Variants in CHCHD3 observed in about 807,000 individuals in gnomAD.
The protein encoded by CHCHD3 is coiled-coil-helix-coiled-coil-helix domain containing 3.
Under a neutral mutation model 38.2 loss-of-function variants are expected in CHCHD3, and 20 were observed. The ratio of observed to expected loss-of-function variants is 0.52; its 90% CI spans 0.37 to 0.76. The LOEUF is 0.76. Ranked by LOEUF, CHCHD3 falls within the 30% of genes least tolerant of loss-of-function variation. The pLI, the probability that CHCHD3 is intolerant of heterozygous loss-of-function variation, is 0.00. For synonymous variants in CHCHD3, 82 were observed against 100.0 expected (o/e 0.82, Z 1.07); for missense variants, 245 against 279.2 (o/e 0.88, Z 0.87).
At chr7:132,962,077 T>G (rs1458173209) in intron 4 of CHCHD3, among the ~76,000 whole-genome samples, 1 of 152,222 alleles carries the variant, frequency 6.6e-6, no homozygotes, top group Non-Finnish European at 1.5e-5. Context: ...CACTTTCAAT[T>G]CAGTGACTGT....
chr7:132,787,724 C>T (rs1031327483), intron 7 of CHCHD3, among the ~76,000 whole-genome samples: 4 of 151,988 alleles, frequency 2.6e-5, no homozygotes, highest in Non-Finnish European at 5.9e-5. Context: ...GTCATAGGAG[C>T]AAAGGGTGGA....
intron 1 of CHCHD3, among the ~76,000 whole-genome samples, chr7:133,073,567 C>T (rs1814890891): frequency 6.6e-6 from 1 of 152,110 alleles, no homozygotes; most frequent in African/African-American, 2.4e-5. Context: ...AATGACACCA[C>T]CAACACCCAG....
chr7:132,890,504 G>A (rs1330917319), intron 4 of CHCHD3, among the ~76,000 whole-genome samples: 6 of 152,100 alleles, frequency 3.9e-5, no homozygotes, highest in Non-Finnish European at 7.4e-5. Context: ...TTGGGAACTC[G>A]GTGACAACAC....
intron 4 of CHCHD3, among the ~76,000 whole-genome samples, chr7:132,959,722 C>CAA (rs376282108): frequency 1.8e-4 from 8 of 44,030 alleles, no homozygotes; most frequent in South Asian, 6.4e-4. Flanking sequence ...AACTCCGTCT[C>CAA]AAAAAAAAAA....
intron 5 of CHCHD3, among the ~76,000 whole-genome samples, chr7:132,875,486 G>A (rs1278420639): frequency 6.6e-6 from 1 of 152,170 alleles, no homozygotes; most frequent in Non-Finnish European, 1.5e-5. Flanking sequence ...AATTTAACCT[G>A]ATGGATCTCT....
At chr7:132,814,896 G>A (rs187649535) in intron 6 of CHCHD3, among the ~76,000 whole-genome samples, 1 of 152,252 alleles carries the variant, frequency 6.6e-6, no homozygotes, top group East Asian at 1.9e-4. Context: ...CTGTCAAATA[G>A]GAGGATTATG....
At chr7:132,944,442 A>C (rs529538072) in intron 4 of CHCHD3, among the ~76,000 whole-genome samples, 1 of 151,886 alleles carries the variant, frequency 6.6e-6, no homozygotes, top group Admixed American at 6.6e-5. Flanking sequence ...AAAAAAGAAA[A>C]CACCACAAAT....
In CHCHD3 at chr7:132,800,596, C is replaced by T. The variant is rs537912359; in HGVS notation, c.525-4019G>A. Among the ~76,000 whole-genome samples the T allele has an allele frequency of 1.7e-4, 26 of 152,292 alleles. 1 individual carries two copies. Among genetic ancestry groups the T allele is most frequent in the African/African-American group, 6.3e-4 (26 of 41,552 alleles). On this transcript the variant is annotated intron_variant, in intron 6 of 7. Coordinates refer to ENST00000262570, the MANE Select transcript of CHCHD3 (RefSeq NM_017812.4). ...ATAACACTCCTCACACCACTCTCCA[C>T]TCAGAAGGCTAAAAAAATCATGTAA...
intron 2 of CHCHD3, among the ~76,000 whole-genome samples, chr7:133,050,118 G>A (rs961971009): frequency 2.6e-5 from 4 of 151,830 alleles, no homozygotes; most frequent in Admixed American, 6.6e-5. Context: ...AGGCTGAGGC[G>A]GGAGGATCAC....
intron 5 of CHCHD3, among the ~76,000 whole-genome samples, chr7:132,871,933 T>TG (rs1180412485): frequency 6.6e-6 from 1 of 151,876 alleles, no homozygotes; most frequent in African/African-American, 2.4e-5. Context: ...AAAATAAAGT[T>TG]GGGGAAAAAA....
intron 3 of CHCHD3, among the ~76,000 whole-genome samples, chr7:133,022,987 A>T (rs987472158): frequency 1.3e-5 from 2 of 151,994 alleles, no homozygotes; most frequent in Admixed American, 1.3e-4. Flanking sequence ...GAATCTAACC[A>T]AAAAACCCCT....
intron 1 of CHCHD3, among the ~76,000 whole-genome samples, chr7:133,075,581 C>T (rs1814962036): frequency 6.6e-6 from 1 of 152,242 alleles, no homozygotes; most frequent in Non-Finnish European, 1.5e-5. Flanking sequence ...GACCTGCACA[C>T]TCACCTGATC....
chr7:133,014,486 G>A (rs2111815), intron 3 of CHCHD3, among the ~76,000 whole-genome samples: 42,300 of 151,866 alleles, frequency 0.28, 6,214 homozygotes, highest in South Asian at 0.42. Flanking sequence ...TAGTTCCAAC[G>A]GCAAATTGTC....
At chr7:132,929,557 G>A (rs1430849079) in intron 4 of CHCHD3, among the ~76,000 whole-genome samples, 1 of 152,112 alleles carries the variant, frequency 6.6e-6, no homozygotes, top group Non-Finnish European at 1.5e-5. Flanking sequence ...GCTCTCCCTA[G>A]TTCCAGACAT....
intron 6 of CHCHD3, among the ~76,000 whole-genome samples, chr7:132,816,123 A>T (rs1021412558): frequency 6.6e-6 from 1 of 152,166 alleles, no homozygotes; most frequent in Admixed American, 6.5e-5. Context: ...GCATTTTGTC[A>T]AGTTGAAATT....
At chr7:132,879,153 T>C (rs939717941) in intron 5 of CHCHD3, among the ~76,000 whole-genome samples, 2 of 152,182 alleles carry the variant, frequency 1.3e-5, no homozygotes, top group Non-Finnish European at 2.9e-5. Flanking sequence ...CTAATAAAAT[T>C]AGTCTTCCAT....
At chr7:132,959,038 T>C in intron 4 of CHCHD3, among the ~76,000 whole-genome samples, 1 of 152,208 alleles carries the variant, frequency 6.6e-6, no homozygotes, top group South Asian at 2.1e-4. Context: ...TTGCCCTTAA[T>C]TCTATCTTGA....
chr7:132,834,192 G>A (rs1807720398), intron 6 of CHCHD3, among the ~76,000 whole-genome samples: 1 of 152,116 alleles, frequency 6.6e-6, no homozygotes, highest in South Asian at 2.1e-4. Context: ...TATCTGAGAT[G>A]GCCAAATTTC....
chr7:132,942,446 A>G (rs1033576351), intron 4 of CHCHD3, among the ~76,000 whole-genome samples: 3 of 152,198 alleles, frequency 2.0e-5, no homozygotes, highest in Non-Finnish European at 4.4e-5. Flanking sequence ...AGAAGCATCA[A>G]TTTTCTAAAT....
Sources: gnomAD v4.1 joint callset for allele counts (sites outside exome capture counted in the v4.1 genomes callset) on GRCh38, gnomAD v4.1.1 for gene constraint, MANE v1.5 for transcripts, NCBI Gene and HGNC (gene_info 2026-07-23, HGNC 2026-07-21) for gene names.